Variants in SCHIP1 observed in about 807,000 individuals in gnomAD.
The protein encoded by SCHIP1 is schwannomin interacting protein 1.
A neutral mutation model predicts 29.7 loss-of-function variants in SCHIP1; 8 were observed. The ratio of observed to expected loss-of-function variants is 0.27; its 90% CI spans 0.16 to 0.49. The LOEUF (loss-of-function observed/expected upper bound fraction) is 0.49, where lower values mean the gene tolerates loss of function less well. SCHIP1 is among the 20% of genes least tolerant of loss of function. SCHIP1 has a pLI of 0.99. For missense variants in SCHIP1, 193 were observed against 294.6 expected (o/e 0.66, Z 2.52); for synonymous variants, 76 against 94.9 (o/e 0.80, Z 1.16).
At chr3:159,557,097 G>A in the SCHIP1 span, among the ~76,000 whole-genome samples, 1 of 151,516 alleles carries the variant, frequency 6.6e-6, no homozygotes, top group Admixed American at 6.6e-5. Flanking sequence ...AGCTGGGACT[G>A]CATGCATCCG....
the SCHIP1 span, among the ~76,000 whole-genome samples, chr3:159,809,560 G>A: frequency 3.3e-5 from 5 of 151,084 alleles, no homozygotes; most frequent in Non-Finnish European, 7.4e-5. Flanking sequence ...TTGCCACACT[G>A]TCTTCCACAA....
the SCHIP1 span, among the ~76,000 whole-genome samples, chr3:159,629,888 A>G: frequency 6.6e-6 from 1 of 152,236 alleles, no homozygotes; most frequent in Non-Finnish European, 1.5e-5. Context: ...CTCACAGCCC[A>G]GGAGGGAGGA....
chr3:159,878,539 G>T (rs1218976497), intron 2 of SCHIP1, among the ~76,000 whole-genome samples: 1 of 151,538 alleles, frequency 6.6e-6, no homozygotes, highest in Non-Finnish European at 1.5e-5. Flanking sequence ...AGCACTTTGG[G>T]AGGCCGAGGC....
chr3:159,286,067 A>T, the SCHIP1 span, among the ~76,000 whole-genome samples: 76 of 152,060 alleles, frequency 5.0e-4, 1 homozygote, highest in African/African-American at 1.8e-3. Flanking sequence ...TTATTCATGT[A>T]TTTTTTACTT....
Position 159,853,062 on chromosome 3 carries a change from G to A in SCHIP1, c.30+12848G>A, listed in dbSNP as rs568050926. 278 of 244,258 alleles carry A rather than the reference G, an allele frequency of 1.1e-3. 2 individuals carry two copies. Among genetic ancestry groups the A allele is most frequent in the African/African-American group, 5.7e-3 (258 of 44,964 alleles). 15.1% of individuals were successfully genotyped at this position (244,258 alleles called of 1,614,324 possible). A position where few individuals can be genotyped will look rare whatever the true frequency, so the allele number is the denominator to read the frequency against. ...GGGAACAGGAAAGGTGCTGTGGAGA[G>A]GAATTGGGGCGGGATCATTCAGGGG... is the stretch of plus-strand genomic sequence containing the variant. On this transcript the variant is annotated intron_variant, in intron 1 of 6. Transcript: ENST00000445224.
chr3:159,710,133 C>T, the SCHIP1 span, among the ~76,000 whole-genome samples: 1 of 152,186 alleles, frequency 6.6e-6, no homozygotes, highest in East Asian at 1.9e-4. Flanking sequence ...GAGATGTTCG[C>T]ACTTCCATAT....
At chr3:159,808,966 A>G in the SCHIP1 span, among the ~76,000 whole-genome samples, 1 of 146,278 alleles carries the variant, frequency 6.8e-6, no homozygotes, top group East Asian at 2.1e-4. Flanking sequence ...TCAAAAAAAA[A>G]GAAACTTTTT....
the SCHIP1 span, among the ~76,000 whole-genome samples, chr3:159,825,697 C>T: frequency 2.6e-5 from 4 of 152,152 alleles, no homozygotes; most frequent in African/African-American, 9.7e-5. Flanking sequence ...TGACGTGATA[C>T]ATATGGCCCT....
the SCHIP1 span, among the ~76,000 whole-genome samples, chr3:159,591,053 C>G: frequency 2.6e-5 from 4 of 152,144 alleles, no homozygotes; most frequent in Non-Finnish European, 5.9e-5. Flanking sequence ...AAAGCCTCTC[C>G]TTATGGTTTC....
chr3:159,478,480 A>G, the SCHIP1 span, among the ~76,000 whole-genome samples: 1 of 152,052 alleles, frequency 6.6e-6, no homozygotes, highest in Admixed American at 6.6e-5. Context: ...TTTGATTACA[A>G]TTGCTCTATA....
chr3:159,439,122 TC>T, the SCHIP1 span, among the ~76,000 whole-genome samples: 2 of 152,168 alleles, frequency 1.3e-5, no homozygotes, highest in Non-Finnish European at 2.9e-5. Flanking sequence ...GTAAAAGTGT[TC>T]CTTTTTCTGC....
the SCHIP1 span, among the ~76,000 whole-genome samples, chr3:159,680,751 C>CATATA: frequency 7.6e-5 from 1 of 13,236 alleles, no homozygotes; most frequent in African/African-American, 2.1e-4. Context: ...ATAATATATG[C>CATATA]TTTGCCTCCT....
chr3:159,869,744 C>T (rs370453641), intron 2 of SCHIP1, among the ~76,000 whole-genome samples: 3 of 151,744 alleles, frequency 2.0e-5, no homozygotes, highest in Non-Finnish European at 4.4e-5. Flanking sequence ...CAACAAAATA[C>T]TCTCTTGGAA....
chr3:159,365,306 T>C, the SCHIP1 span, among the ~76,000 whole-genome samples: 2 of 152,204 alleles, frequency 1.3e-5, no homozygotes, highest in Non-Finnish European at 2.9e-5. Flanking sequence ...GGTTATTACA[T>C]GATATTGCTT....
the SCHIP1 span, among the ~76,000 whole-genome samples, chr3:159,655,776 C>T: frequency 6.6e-6 from 1 of 152,146 alleles, no homozygotes; most frequent in Non-Finnish European, 1.5e-5. Flanking sequence ...GTAATCCCAG[C>T]TACTCAGGAG....
chr3:159,448,744 C>A, the SCHIP1 span, among the ~76,000 whole-genome samples: 14 of 152,198 alleles, frequency 9.2e-5, no homozygotes, highest in African/African-American at 1.2e-4. Flanking sequence ...AACAATGGAA[C>A]TTTCTGCTGT....
the SCHIP1 span, among the ~76,000 whole-genome samples, chr3:159,435,253 T>G: frequency 6.6e-6 from 1 of 152,178 alleles, no homozygotes; most frequent in Non-Finnish European, 1.5e-5. Context: ...CCGTGTAATT[T>G]GCATTTTGTT....
At chr3:159,478,873 A>G in the SCHIP1 span, among the ~76,000 whole-genome samples, 1 of 152,094 alleles carries the variant, frequency 6.6e-6, no homozygotes, top group African/African-American at 2.4e-5. Flanking sequence ...TATTACTAGT[A>G]TATAGAAATG....
the SCHIP1 span, among the ~76,000 whole-genome samples, chr3:159,548,858 G>A: frequency 7.2e-5 from 11 of 151,804 alleles, no homozygotes; most frequent in African/African-American, 2.4e-4. Context: ...TGCTAATTTC[G>A]ACATCTGAGT....
Sources: gnomAD v4.1 joint callset for allele counts (sites outside exome capture counted in the v4.1 genomes callset) on GRCh38, gnomAD v4.1.1 for gene constraint, MANE v1.5 for transcripts, NCBI Gene and HGNC (gene_info 2026-07-23, HGNC 2026-07-21) for gene names.